The following MID1 variants were observed in gnomAD, a reference collection of about 807,000 sequenced individuals.
MID1 encodes the protein E3 ubiquitin-protein ligase Midline-1.
A neutral mutation model predicts 40.4 loss-of-function variants in MID1; 7 were observed. The observed-to-expected ratio is 0.17, with a 90% CI of 0.10 to 0.33. The LOEUF (loss-of-function observed/expected upper bound fraction) is 0.33, where lower values mean the gene tolerates loss of function less well. Among genes scored for constraint, MID1 ranks in the 10% least tolerant of loss-of-function variants. The pLI, the probability that MID1 is intolerant of heterozygous loss-of-function variation, is 1.00. For missense variants in MID1, 367 were observed against 558.5 expected (o/e 0.66, Z 3.46); for synonymous variants, 229 against 221.2 (o/e 1.04, Z -0.31).
rs150121878 is a variant in MID1 at position 10,549,195 on chromosome X, T to A, written c.660+17693A>T. ...CATAAAGACACAGATAATGAAAATT[T>A]CTGCGCTCTAGACTATGAGTACCTA... On this transcript the variant is annotated intron_variant, in intron 2 of 9. Coordinates refer to ENST00000317552, the MANE Select transcript of MID1 (RefSeq NM_000381.4). Among the ~76,000 whole-genome samples the A allele has an allele frequency of 8.0e-5, 9 of 112,957 alleles. No homozygotes were observed. In the East Asian group the frequency reaches 2.2e-3, roughly 28 times the overall value.
chrX:10,746,163 G>C (rs1413769303), intron 1 of MID1, among the ~76,000 whole-genome samples: 3 of 112,097 alleles, frequency 2.7e-5, no homozygotes, highest in Admixed American at 1.9e-4. Context: ...AAGGTGGTGG[G>C]AAAGTGCAGA....
intron 2 of MID1, among the ~76,000 whole-genome samples, chrX:10,547,513 G>A (rs1446278699): frequency 5.0e-5 from 5 of 99,620 alleles, no homozygotes; most frequent in African/African-American, 1.1e-4. Flanking sequence ...CAGAGGTTGC[G>A]GTGAGCCGAG....
chrX:10,527,914 C>T (rs777792310), intron 2 of MID1, among the ~76,000 whole-genome samples: 1 of 111,739 alleles, frequency 8.9e-6, no homozygotes, highest in South Asian at 3.8e-4. Context: ...GATCACCTCC[C>T]AATTCAAATT....
rs1464470916 is a variant in MID1 at position 10,561,741 on chromosome X, T to G, written c.660+5147A>C. On this transcript the variant is annotated intron_variant, in intron 2 of 9. Coordinates refer to ENST00000317552, the MANE Select transcript of MID1 (RefSeq NM_000381.4). ...GAAACAACAGATGCTGGCGAGGCTG[T>G]GGAGAAATAGGAATGTTTTTACACT... Among the ~76,000 whole-genome samples, 4 of 107,194 alleles carry G rather than the reference T, an allele frequency of 3.7e-5. No individual in the cohort carries two copies. In the East Asian group the frequency reaches 1.1e-3, roughly 30 times the overall value. The allele number at this position is 107,194 out of a possible 115,157, so 93.1% of individuals were successfully genotyped here. A position where few individuals can be genotyped will look rare whatever the true frequency, so the allele number is the denominator to read the frequency against.
intron 1 of MID1, among the ~76,000 whole-genome samples, chrX:10,691,251 T>G (rs939870538): frequency 2.7e-5 from 3 of 111,764 alleles, no homozygotes; most frequent in Non-Finnish European, 5.6e-5. Flanking sequence ...TAAAAATTAT[T>G]CATGGGCCAG....
At chrX:10,683,300 C>T (rs1266556619) in intron 1 of MID1, among the ~76,000 whole-genome samples, 1 of 111,787 alleles carries the variant, frequency 8.9e-6, no homozygotes, top group Admixed American at 9.5e-5. Flanking sequence ...AATCCCAGCA[C>T]TTTGGGAGGC....
chrX:10,451,055 GTGTT>G (rs1267815042), intron 9 of MID1, among the ~76,000 whole-genome samples: 2 of 111,814 alleles, frequency 1.8e-5, no homozygotes, highest in African/African-American at 3.3e-5. Context: ...TAAGAGTGGT[GTGTT>G]TGTTTAAAAA....
rs762035952 is a variant in MID1 at position 10,536,220 on chromosome X, G to C, written c.661-13033C>G. Among the ~76,000 whole-genome samples the C allele has an allele frequency of 6.3e-5, 7 of 111,970 alleles. No homozygotes were observed. The South Asian group carries it at 2.6e-3, about 41-fold the overall frequency. ...AGCCTGGGCAACAGAGGGAGACACTGCCTCAAACAAAACAAAACAAAAACA... is the reference window on the plus strand; with the variant it reads ...AGCCTGGGCAACAGAGGGAGACACTCCCTCAAACAAAACAAAACAAAAACA... On this transcript the variant is annotated intron_variant, in intron 2 of 9. Transcript: ENST00000317552.
chrX:10,757,130 G>A (rs933417193), intron 1 of MID1, among the ~76,000 whole-genome samples: 1 of 111,712 alleles, frequency 9.0e-6, no homozygotes, highest in Non-Finnish European at 1.9e-5. Context: ...GTTTGACCCC[G>A]TCAGAATTCC....
upstream of MID1, among the ~76,000 whole-genome samples, chrX:10,621,160 G>A (rs753697469): frequency 9.0e-6 from 1 of 111,514 alleles, no homozygotes; most frequent in East Asian, 2.8e-4. Flanking sequence ...AAGGCCCGAG[G>A]CATAATTTCA....
At chrX:10,613,696 A>AATATATATATATAT (rs1177605401) in intron 1 of MID1, among the ~76,000 whole-genome samples, 7 of 16,851 alleles carry the variant, frequency 4.2e-4, no homozygotes, top group Non-Finnish European at 4.3e-4. Context: ...AACTGAAAGG[A>AATATATATATATAT]ATATATATAT....
chrX:10,626,510 A>G (rs1037829790), intron 1 of MID1, among the ~76,000 whole-genome samples: 3 of 110,037 alleles, frequency 2.7e-5, no homozygotes, highest in African/African-American at 6.6e-5. Flanking sequence ...TGGTAGGCCT[A>G]TGAAATTTTA....
intron 1 of MID1, among the ~76,000 whole-genome samples, chrX:10,784,016 TTTA>T (rs1443841967): frequency 1.3e-3 from 147 of 111,890 alleles, no homozygotes; most frequent in African/African-American, 4.7e-3. Flanking sequence ...ATAAAAAATA[TTTA>T]TTTTTTATAA....
intron 1 of MID1, among the ~76,000 whole-genome samples, chrX:10,786,462 T>C (rs1045839899): frequency 3.6e-5 from 4 of 111,345 alleles, no homozygotes; most frequent in African/African-American, 6.5e-5. Flanking sequence ...GCCATCCCAT[T>C]ACTGGGTATA....
chrX:10,476,405 G>A (rs777078461), intron 5 of MID1, among the ~76,000 whole-genome samples: 2 of 110,374 alleles, frequency 1.8e-5, no homozygotes, highest in African/African-American at 3.3e-5. Flanking sequence ...GGGCCCAAGC[G>A]ATCACCCTTT....
At chrX:10,756,870 T>C (rs1312137219) in intron 1 of MID1, among the ~76,000 whole-genome samples, 12 of 111,765 alleles carry the variant, frequency 1.1e-4, no homozygotes, top group Non-Finnish European at 2.3e-4. Flanking sequence ...GCCAGCACTT[T>C]CCCGGGCATT....
intron 7 of MID1, among the ~76,000 whole-genome samples, chrX:10,467,667 C>G (rs991462999): frequency 8.9e-6 from 1 of 112,066 alleles, no homozygotes; most frequent in Non-Finnish European, 1.9e-5. Context: ...GATTACATTA[C>G]TGTCCTGCAT....
intron 1 of MID1, among the ~76,000 whole-genome samples, chrX:10,769,432 G>A (rs1160216684): frequency 8.9e-6 from 1 of 111,804 alleles, no homozygotes; most frequent in Non-Finnish European, 1.9e-5. Flanking sequence ...AGACATGGGA[G>A]AAGCAAGCTC....
chrX:10,678,470 C>T (rs1049525708), intron 1 of MID1, among the ~76,000 whole-genome samples: 1 of 112,302 alleles, frequency 8.9e-6, no homozygotes, highest in African/African-American at 3.2e-5. Flanking sequence ...ACATTCATCT[C>T]AGATGTCCAG....
Sources: gnomAD v4.1 joint callset for allele counts (sites outside exome capture counted in the v4.1 genomes callset) on GRCh38, gnomAD v4.1.1 for gene constraint, MANE v1.5 for transcripts, NCBI Gene and HGNC (gene_info 2026-07-23, HGNC 2026-07-21) for gene names.